The following BMP5 variants were observed in gnomAD, a reference collection of about 807,000 sequenced individuals.
BMP5 encodes bone morphogenetic protein 5.
A neutral mutation model predicts 46.6 loss-of-function variants in BMP5; 23 were observed. The observed-to-expected ratio is 0.49, with a 90% CI of 0.35 to 0.70. The LOEUF (loss-of-function observed/expected upper bound fraction) is 0.70. Among genes scored for constraint, BMP5 ranks in the 30% least tolerant of loss-of-function variants. BMP5 has a pLI of 0.00. For missense variants in BMP5, 545 were observed against 565.6 expected (o/e 0.96, Z 0.37); for synonymous variants, 204 against 191.9 (o/e 1.06, Z -0.52).
chr6:55,761,415 A>T (rs1774773465), intron 4 of BMP5, among the ~76,000 whole-genome samples: 1 of 152,036 alleles, frequency 6.6e-6, no homozygotes, highest in Admixed American at 6.6e-5. Context: ...TTAAGAGTGA[A>T]ATATTCTCAG....
At chr6:55,818,680 C>T (rs1169391917) in intron 2 of BMP5, among the ~76,000 whole-genome samples, 1 of 152,224 alleles carries the variant, frequency 6.6e-6, no homozygotes, top group South Asian at 2.1e-4. Flanking sequence ...TATTGCAAGG[C>T]ACTATTGCGA....
At chr6:55,794,257 A>G in intron 3 of BMP5, 22 bp downstream of exon 3, 2 of 1,613,522 alleles carry the variant, frequency 1.2e-6, no homozygotes, top group Non-Finnish European at 1.7e-6. Context: ...TCACAAAAAA[A>G]TATATAAAAT....
chr6:55,774,005 C>T, intron 4 of BMP5, 44 bp downstream of exon 4: 1 of 1,596,770 alleles, frequency 6.3e-7, no homozygotes, highest in Non-Finnish European at 8.6e-7. Flanking sequence ...AGCATACGAC[C>T]CCATAACTCT....
chr6:55,819,969 A>G lies in BMP5; in HGVS notation c.491-122T>C, dbSNP rs1776369794. The G allele has an allele frequency of 7.0e-6, 6 of 851,394 alleles. No individual in the cohort carries two copies. The African/African-American group carries it at 8.6e-5, about 12-fold the overall frequency. The allele number at this position is 851,394 out of a possible 1,614,324, so 52.7% of individuals were successfully genotyped here. On this transcript the variant is annotated intron_variant, in intron 1 of 6. Coordinates refer to ENST00000370830, the MANE Select transcript of BMP5 (RefSeq NM_021073.4). ...AGCAGGATAGTATAAAACTGGAAAAACCCTAAAACCACAAACTGAAACGTG... is the reference window on the plus strand; with the variant it reads ...AGCAGGATAGTATAAAACTGGAAAAGCCCTAAAACCACAAACTGAAACGTG...
intron 1 of BMP5, among the ~76,000 whole-genome samples, chr6:55,867,480 GTC>G (rs1777676055): frequency 6.6e-6 from 1 of 152,098 alleles, no homozygotes; most frequent in African/African-American, 2.4e-5. Flanking sequence ...TGCACATTCT[GTC>G]TCTTTTCTTC....
chr6:55,800,305 T>A (rs1775814579), intron 2 of BMP5, among the ~76,000 whole-genome samples: 1 of 152,240 alleles, frequency 6.6e-6, no homozygotes, highest in South Asian at 2.1e-4. Flanking sequence ...AGGAATACTA[T>A]ATTAATCATT....
chr6:55,798,426 GT>G (rs1775768515), intron 2 of BMP5, among the ~76,000 whole-genome samples: 6 of 152,010 alleles, frequency 3.9e-5, no homozygotes, highest in Admixed American at 3.9e-4. Context: ...AGACTGAGAG[GT>G]TTTCAAAAAC....
intron 1 of BMP5, among the ~76,000 whole-genome samples, chr6:55,828,521 A>C (rs1776583081): frequency 6.6e-6 from 1 of 151,890 alleles, no homozygotes; most frequent in Admixed American, 6.6e-5. Context: ...ATGATGTCAA[A>C]GTGAAGCCAC....
intron 2 of BMP5, among the ~76,000 whole-genome samples, chr6:55,817,526 C>A (rs970618562): frequency 1.7e-4 from 26 of 151,898 alleles, no homozygotes; most frequent in African/African-American, 6.3e-4. Flanking sequence ...CTCATGTTCT[C>A]ACTCATAGGT....
At chr6:55,851,845 A>G (rs1388682246) in intron 1 of BMP5, among the ~76,000 whole-genome samples, 1 of 152,184 alleles carries the variant, frequency 6.6e-6, no homozygotes, top group Non-Finnish European at 1.5e-5. Context: ...AGATTCCTTA[A>G]AAGGTATGAA....
intron 6 of BMP5, among the ~76,000 whole-genome samples, chr6:55,757,416 T>C (rs146711182): frequency 1.2e-3 from 185 of 152,154 alleles, no homozygotes; most frequent in Middle Eastern, 3.4e-3. Flanking sequence ...GTTCTCTTCA[T>C]AGGATGAAAC....
chr6:55,754,236 T>TG lies in BMP5; in HGVS notation c.*1296dup, dbSNP rs950540980. 6 of 151,876 alleles carry TG rather than the reference T, an allele frequency of 4.0e-5. No individual in the cohort carries two copies. The highest frequency in any genetic ancestry group is 1.5e-4 in the African/African-American group (6 of 41,374). 9.4% of individuals were successfully genotyped at this position (151,876 alleles called of 1,614,324 possible). A position where few individuals can be genotyped will look rare whatever the true frequency, so the allele number is the denominator to read the frequency against. ...TAAAGATCATTCTTCAAAAAGTCAG[T>TG]GTGTGTTAAAGAAAGGCCTTAGAGG... On this transcript the variant is annotated 3_prime_UTR_variant, in exon 7 of 7. Transcript: ENST00000370830.
At chr6:55,810,996 C>G (rs532207159) in intron 2 of BMP5, among the ~76,000 whole-genome samples, 1 of 152,250 alleles carries the variant, frequency 6.6e-6, no homozygotes, top group East Asian at 1.9e-4. Flanking sequence ...GTAAGAACCT[C>G]TAAAATAGAG....
At chr6:55,858,558 T>A (rs557648831) in intron 1 of BMP5, among the ~76,000 whole-genome samples, 1 of 152,318 alleles carries the variant, frequency 6.6e-6, no homozygotes, top group South Asian at 2.1e-4. Context: ...TTATCAAGAA[T>A]GGAAATACAT....
chr6:55,781,795 G>C (rs1413700273), intron 3 of BMP5, among the ~76,000 whole-genome samples: 1 of 151,748 alleles, frequency 6.6e-6, no homozygotes, highest in African/African-American at 2.4e-5. Flanking sequence ...TTTTTTAGTA[G>C]AGACAGGGTT....
intron 2 of BMP5, among the ~76,000 whole-genome samples, chr6:55,813,421 T>C (rs1025761478): frequency 6.6e-6 from 1 of 151,982 alleles, no homozygotes. Context: ...TAATAATGTA[T>C]ATAATAATGT....
intron 4 of BMP5, among the ~76,000 whole-genome samples, chr6:55,766,586 G>C (rs1186117369): frequency 6.6e-6 from 1 of 151,944 alleles, no homozygotes; most frequent in Non-Finnish European, 1.5e-5. Flanking sequence ...ATCATTATTT[G>C]AGTTTTCTGT....
chr6:55,773,294 G>A (rs1775089533), intron 4 of BMP5, among the ~76,000 whole-genome samples: 1 of 151,772 alleles, frequency 6.6e-6, no homozygotes, highest in East Asian at 1.9e-4. Context: ...AACTAAAATA[G>A]CCACCATTTT....
intron 2 of BMP5, among the ~76,000 whole-genome samples, chr6:55,815,862 C>A (rs1582088516): frequency 6.6e-6 from 1 of 152,018 alleles, no homozygotes; most frequent in Admixed American, 6.5e-5. Flanking sequence ...TTATTTTTAT[C>A]ATTTTTGTCA....
Sources: allele counts gnomAD v4.1 joint callset (sites outside exome capture counted in the v4.1 genomes callset), GRCh38; gene constraint gnomAD v4.1.1; transcripts MANE v1.5; gene names NCBI Gene and HGNC (gene_info 2026-07-23, HGNC 2026-07-21).